The following FAM171A1 variants were observed in gnomAD, a reference collection of about 807,000 sequenced individuals.
FAM171A1 encodes the protein family with sequence similarity 171 member A1.
In FAM171A1, 23 loss-of-function variants were observed where a neutral mutation model predicts 74.9. The observed-to-expected ratio is 0.31, with a 90% CI of 0.22 to 0.44. The LOEUF (loss-of-function observed/expected upper bound fraction) is 0.44. FAM171A1 is among the 20% of genes least tolerant of loss of function. The pLI, the probability that FAM171A1 is intolerant of heterozygous loss-of-function variation, is 1.00. For synonymous variants in FAM171A1, 527 were observed against 505.7 expected (o/e 1.04, Z -0.57); for missense variants, 1,162 against 1,159.2 (o/e 1.00, Z -0.03).
chr10:15,242,891 T>C (rs2131748746), intron 5 of FAM171A1, among the ~76,000 whole-genome samples: 1 of 152,368 alleles, frequency 6.6e-6, no homozygotes, highest in African/African-American at 2.4e-5. Flanking sequence ...TGGGCTAACT[T>C]ATATTTCAGA....
intron 5 of FAM171A1, 42 bp downstream of exon 5, chr10:15,248,597 A>C: frequency 6.5e-7 from 1 of 1,550,252 alleles, no homozygotes; most frequent in Non-Finnish European, 8.7e-7. Context: ...ACAGTAACGA[A>C]GCCATCTGGT....
chr10:15,252,624 G>C (rs2131764524), intron 4 of FAM171A1, among the ~76,000 whole-genome samples: 1 of 152,296 alleles, frequency 6.6e-6, no homozygotes, highest in East Asian at 1.9e-4. Flanking sequence ...AAGTCCCCGA[G>C]GGCGCGTGTG....
chr10:15,338,039 A>T (rs1233539447), intron 1 of FAM171A1, among the ~76,000 whole-genome samples: 1 of 152,150 alleles, frequency 6.6e-6, no homozygotes, highest in Non-Finnish European at 1.5e-5. Context: ...AAAAACAAAG[A>T]ATTCTTCTTA....
intron 1 of FAM171A1, among the ~76,000 whole-genome samples, chr10:15,295,635 C>A (rs1835152742): frequency 6.6e-6 from 1 of 151,830 alleles, no homozygotes; most frequent in African/African-American, 2.4e-5. Flanking sequence ...TTTTTCTTTC[C>A]TTTTGGTTTT....
chr10:15,286,279 C>CTTTG (rs367907039), intron 1 of FAM171A1, among the ~76,000 whole-genome samples: 3 of 151,982 alleles, frequency 2.0e-5, no homozygotes, highest in African/African-American at 7.3e-5. Flanking sequence ...GTATTAATAC[C>CTTTG]TTTGTTTGTT....
intron 1 of FAM171A1, among the ~76,000 whole-genome samples, chr10:15,359,535 G>A (rs1021072875): frequency 4.6e-5 from 7 of 152,206 alleles, no homozygotes; most frequent in South Asian, 4.2e-4. Context: ...ATCCATCCTC[G>A]ACATTTTAGC....
chr10:15,307,646 C>CAAAAAAAAAAAAAAAAA (rs560861841), intron 1 of FAM171A1, among the ~76,000 whole-genome samples: 1 of 93,198 alleles, frequency 1.1e-5, no homozygotes. Context: ...AACTCCATTT[C>CAAAAAAAAAAAAAAAAA]AAAAAAAAAA....
chr10:15,345,092 A>G (rs1306424661), intron 1 of FAM171A1, among the ~76,000 whole-genome samples: 1 of 152,234 alleles, frequency 6.6e-6, no homozygotes, highest in African/African-American at 2.4e-5. Flanking sequence ...TTAATCTTGT[A>G]ACTATGAAGT....
At position 15,371,009 on chromosome 10, in the gene FAM171A1, T is replaced by C; in HGVS notation, c.44A>G (p.His15Arg). The change falls in exon 1 of 8, where the codon CAC becomes CGC. Residue 15 changes from histidine to arginine, a missense_variant. Physicochemically the swap from His to Arg is conservative, Grantham distance 29 (BLOSUM62 0). Transcript: ENST00000378116. ...ATLLLCLLGC[H>R]VWKAVTKTLR... ...CGTCTTGGTCACCGCCTTCCAGACG[T>C]GGCAGCCCAGCAGGCACAGCAGCAG... 8.4e-7 allele frequency: 1 copy of C among 1,188,600 alleles called. No homozygotes were observed. Among genetic ancestry groups the C allele is most frequent in the South Asian group, 1.5e-5 (1 of 67,302 alleles). The allele number at this position is 1,188,600 out of a possible 1,614,324, so 73.6% of individuals were successfully genotyped here.
chr10:15,337,596 C>T (rs1291636906), intron 1 of FAM171A1, among the ~76,000 whole-genome samples: 1 of 152,182 alleles, frequency 6.6e-6, no homozygotes, highest in Admixed American at 6.5e-5. Context: ...GTAATCCCAG[C>T]GCTTTAATAA....
At chr10:15,234,192 T>C (rs772772760) in intron 5 of FAM171A1, among the ~76,000 whole-genome samples, 1 of 151,442 alleles carries the variant, frequency 6.6e-6, no homozygotes, top group Non-Finnish European at 1.5e-5. Flanking sequence ...TTTTAAAAAA[T>C]CATGTGTTAA....
At chr10:15,322,586 C>G (rs1835499735) in intron 1 of FAM171A1, among the ~76,000 whole-genome samples, 1 of 152,164 alleles carries the variant, frequency 6.6e-6, no homozygotes, top group South Asian at 2.1e-4. Flanking sequence ...GTCATTGTTC[C>G]CAAACCCATT....
At chr10:15,315,874 A>G (rs1835416066) in intron 1 of FAM171A1, among the ~76,000 whole-genome samples, 2 of 152,164 alleles carry the variant, frequency 1.3e-5, no homozygotes, top group Non-Finnish European at 2.9e-5. Flanking sequence ...AAGGTAGAAA[A>G]TACAGAAAAA....
At chr10:15,370,509 C>G (rs533867174) in intron 1 of FAM171A1, among the ~76,000 whole-genome samples, 253 of 152,126 alleles carry the variant, frequency 1.7e-3, no homozygotes, top group Middle Eastern at 6.8e-3. Flanking sequence ...CCCAGCGCAG[C>G]CCAGGAGCTG....
intron 1 of FAM171A1, among the ~76,000 whole-genome samples, chr10:15,348,522 T>C (rs905654497): frequency 1.3e-5 from 2 of 152,204 alleles, no homozygotes; most frequent in South Asian, 4.2e-4. Flanking sequence ...CTGACTGCAG[T>C]GTAACTAGGA....
In FAM171A1 at chr10:15,293,696, T is replaced by C. The variant is rs139154958; in HGVS notation, c.98-9591A>G. 2.0e-5 allele frequency among the ~76,000 whole-genome samples: 3 copies of C among 152,286 alleles called. No individual in the cohort carries two copies. The East Asian group carries it at 5.8e-4, about 29-fold the overall frequency. ...AAAAGATTTAAGGAAGGGTATGGTGTGAACACTGATACTATGAAGGGTCGT... is the reference window on the plus strand; with the variant it reads ...AAAAGATTTAAGGAAGGGTATGGTGCGAACACTGATACTATGAAGGGTCGT... On this transcript the variant is annotated intron_variant, in intron 1 of 7. Coordinates refer to ENST00000378116, the MANE Select transcript of FAM171A1 (RefSeq NM_001010924.2).
intron 1 of FAM171A1, among the ~76,000 whole-genome samples, chr10:15,362,091 T>A (rs1226983787): frequency 6.6e-6 from 1 of 152,216 alleles, no homozygotes; most frequent in Non-Finnish European, 1.5e-5. Flanking sequence ...ATATTTCATA[T>A]AAAAGTAGGA....
chr10:15,240,000 A>T (rs537835434), intron 5 of FAM171A1, among the ~76,000 whole-genome samples: 5 of 152,358 alleles, frequency 3.3e-5, no homozygotes, highest in African/African-American at 1.2e-4. Flanking sequence ...ATTTTGGGGC[A>T]TTTCAAACCT....
At position 15,277,480 on chromosome 10, in the gene FAM171A1, T is replaced by G. The variant is rs552759287; in HGVS notation, c.326-1533A>C. On this transcript the variant is annotated intron_variant, in intron 2 of 7. Transcript: ENST00000378116. ...CTCAAGTGATCCATCTGCCTTGGCC[T>G]CCCAAACTGCTAGGATTACAGGCAT... Among the ~76,000 whole-genome samples, 13 of 152,318 alleles carry G rather than the reference T, an allele frequency of 8.5e-5. No homozygotes were observed. The South Asian group carries it at 2.1e-3, about 24-fold the overall frequency.
Sources: gnomAD v4.1 joint callset for allele counts (sites outside exome capture counted in the v4.1 genomes callset) on GRCh38, gnomAD v4.1.1 for gene constraint, MANE v1.5 for transcripts, NCBI Gene and HGNC (gene_info 2026-07-23, HGNC 2026-07-21) for gene names.